Variants in ARHGEF28 observed in about 807,000 individuals in gnomAD.
The protein encoded by ARHGEF28 is Rho guanine nucleotide exchange factor 28, also known as 190 kDa guanine nucleotide exchange factor.
Under a neutral mutation model 206.6 loss-of-function variants are expected in ARHGEF28, and 152 were observed. The ratio of observed to expected loss-of-function variants is 0.74; its 90% CI spans 0.64 to 0.84. ARHGEF28 has a LOEUF of 0.84. Among genes scored for constraint, ARHGEF28 ranks in the 40% least tolerant of loss-of-function variants. The probability of loss-of-function intolerance (pLI) is 0.00; values close to 1 mark genes in which losing one functional copy is unlikely to be tolerated. For missense variants in ARHGEF28, 2,028 were observed against 2,073.2 expected (o/e 0.98, Z 0.42); for synonymous variants, 763 against 776.4 (o/e 0.98, Z 0.29).
At chr5:73,731,130 C>G (rs1275152314) in intron 2 of ARHGEF28, among the ~76,000 whole-genome samples, 1 of 151,862 alleles carries the variant, frequency 6.6e-6, no homozygotes, top group Non-Finnish European at 1.5e-5. Flanking sequence ...TGTGGGACTT[C>G]AATGGGAATG....
intron 9 of ARHGEF28, among the ~76,000 whole-genome samples, chr5:73,813,124 G>C (rs1452408365): frequency 6.6e-6 from 1 of 152,024 alleles, no homozygotes; most frequent in Admixed American, 6.6e-5. Context: ...CACGGCACCG[G>C]GTAGCTCTTC....
At chr5:73,645,467 A>G (rs1206252673) in intron 1 of ARHGEF28, among the ~76,000 whole-genome samples, 4 of 152,210 alleles carry the variant, frequency 2.6e-5, no homozygotes, top group African/African-American at 7.2e-5. Context: ...AGAAAATACC[A>G]TACTCTGATA....
chr5:73,773,017 C>G (rs1580598193), intron 4 of ARHGEF28, among the ~76,000 whole-genome samples: 2 of 152,318 alleles, frequency 1.3e-5, no homozygotes, highest in South Asian at 4.1e-4. Context: ...AGTGTACAGA[C>G]TATTCAAACT....
chr5:73,782,424 T>A (rs1753903466), intron 7 of ARHGEF28, among the ~76,000 whole-genome samples: 1 of 152,034 alleles, frequency 6.6e-6, no homozygotes, highest in African/African-American at 2.4e-5. Context: ...GGTGACACAG[T>A]GAGACTCCAT....
intron 3 of ARHGEF28, among the ~76,000 whole-genome samples, chr5:73,751,987 C>T (rs545532984): frequency 3.3e-5 from 5 of 152,264 alleles, no homozygotes; most frequent in African/African-American, 1.2e-4. Context: ...GGAGCCCTAG[C>T]TGCAAAGCCT....
At position 73,824,667 on chromosome 5, in the gene ARHGEF28, C is replaced by T. The variant is rs900685108; in HGVS notation, c.1025-7671C>T. On this transcript the variant is annotated intron_variant, in intron 9 of 35. Coordinates refer to ENST00000513042, the MANE Select transcript of ARHGEF28 (RefSeq NM_001177693.2). ...ACTTTTAATAGAGACAGGGTTTTGC[C>T]GTGTTGTCCAGGGTGGTCTTGAACT... Among the ~76,000 whole-genome samples, 8 of 151,994 alleles carry T rather than the reference C, an allele frequency of 5.3e-5. No homozygotes were observed. In the East Asian group the frequency reaches 9.6e-4, roughly 18 times the overall value.
intron 2 of ARHGEF28, among the ~76,000 whole-genome samples, chr5:73,730,877 G>T (rs559199170): frequency 6.6e-6 from 1 of 151,998 alleles, no homozygotes; most frequent in African/African-American, 2.4e-5. Context: ...TACTTGCTCT[G>T]TGTTGAGTCT....
chr5:73,690,794 A>G (rs1747774212), intron 2 of ARHGEF28, among the ~76,000 whole-genome samples: 1 of 152,180 alleles, frequency 6.6e-6, no homozygotes, highest in African/African-American at 2.4e-5. Context: ...CTTGCTTGAG[A>G]AATTGTTGGT....
intron 4 of ARHGEF28, among the ~76,000 whole-genome samples, chr5:73,758,710 C>T (rs796840520): frequency 2.6e-4 from 40 of 152,166 alleles, no homozygotes; most frequent in African/African-American, 9.2e-4. Flanking sequence ...TGTGTGCTAC[C>T]ACGCCTGGCT....
At chr5:73,888,583 A>C (rs1761442345) in intron 26 of ARHGEF28, among the ~76,000 whole-genome samples, 1 of 152,206 alleles carries the variant, frequency 6.6e-6, no homozygotes, top group Non-Finnish European at 1.5e-5. Context: ...AAAACCAAAG[A>C]CCTAAAAGAA....
intron 2 of ARHGEF28, among the ~76,000 whole-genome samples, chr5:73,741,091 ACT>A: frequency 6.6e-6 from 1 of 152,120 alleles, no homozygotes; most frequent in South Asian, 2.1e-4. Context: ...AGTGCCAGAT[ACT>A]TGTTTTCACT....
chr5:73,833,528 A>C (rs1757425964), intron 10 of ARHGEF28, among the ~76,000 whole-genome samples: 1 of 152,012 alleles, frequency 6.6e-6, no homozygotes. Context: ...TAACTGGTAT[A>C]GTTGTTTTGG....
At chr5:73,796,715 A>G (rs1754842465) in intron 9 of ARHGEF28, among the ~76,000 whole-genome samples, 1 of 152,154 alleles carries the variant, frequency 6.6e-6, no homozygotes. Flanking sequence ...AGCAATATAC[A>G]CGTCCTTAAT....
At chr5:73,887,722 C>A in intron 26 of ARHGEF28, 43 bp downstream of exon 26, 1 of 1,457,468 alleles carries the variant, frequency 6.9e-7, no homozygotes, top group Admixed American at 2.5e-5. Context: ...ATAGGTTTAA[C>A]CACACATTTT....
chr5:73,801,442 A>G (rs540214513), intron 9 of ARHGEF28, among the ~76,000 whole-genome samples: 7 of 152,144 alleles, frequency 4.6e-5, no homozygotes, highest in East Asian at 3.9e-4. Flanking sequence ...GCGAGACTCC[A>G]TCTCAAAAAA....
chr5:73,919,648 C>T (rs1580103708), intron 35 of ARHGEF28, among the ~76,000 whole-genome samples: 1 of 152,140 alleles, frequency 6.6e-6, no homozygotes, highest in East Asian at 1.9e-4. Context: ...GGAGTGGGCT[C>T]TCCTACTAGA....
At chr5:73,876,556 T>C (rs1342457081) in intron 22 of ARHGEF28, among the ~76,000 whole-genome samples, 1 of 139,896 alleles carries the variant, frequency 7.1e-6, no homozygotes. Context: ...TGGCTGTGGG[T>C]TTGTCATAGA....
At position 73,864,808 on chromosome 5, in the gene ARHGEF28, T is replaced by G; in HGVS notation, c.2048-9T>G. On this transcript the variant is annotated splice_polypyrimidine_tract_variant and intron_variant, in intron 16 of 35. Coordinates refer to ENST00000513042, the MANE Select transcript of ARHGEF28 (RefSeq NM_001177693.2). ...ATGGATGCTTTTGTATCTTTTCCCT[T>G]TATTTCAGACTGTAATGCAAATGTG... The G allele has an allele frequency of 6.2e-7, 1 of 1,611,132 alleles. No individual in the cohort carries two copies. The highest frequency in any genetic ancestry group is 8.5e-7 in the Non-Finnish European group (1 of 1,178,478).
chr5:73,918,906 T>G (rs952406299), intron 35 of ARHGEF28, among the ~76,000 whole-genome samples: 4 of 152,200 alleles, frequency 2.6e-5, no homozygotes, highest in African/African-American at 9.7e-5. Context: ...GCCTGCAAAC[T>G]TGTGTATCTA....
Sources: allele counts gnomAD v4.1 joint callset (sites outside exome capture counted in the v4.1 genomes callset), GRCh38; gene constraint gnomAD v4.1.1; transcripts MANE v1.5; gene names NCBI Gene and HGNC (gene_info 2026-07-23, HGNC 2026-07-21).